Variants in ADAM10 observed in about 807,000 individuals in gnomAD.
The protein encoded by ADAM10 is disintegrin and metalloproteinase domain-containing protein 10.
Under a neutral mutation model 90.1 loss-of-function variants are expected in ADAM10, and 17 were observed. The ratio of observed to expected loss-of-function variants is 0.19; its 90% CI spans 0.13 to 0.28. The LOEUF is 0.28. ADAM10 is among the 10% of genes least tolerant of loss of function. The probability of loss-of-function intolerance (pLI) is 1.00; values close to 1 mark genes in which losing one functional copy is unlikely to be tolerated. For missense variants in ADAM10, 610 were observed against 914.3 expected, an observed-to-expected ratio of 0.67 and a Z score of 4.29; for synonymous variants, 310 against 298.6, an observed-to-expected ratio of 1.04 and a Z score of -0.40.
chr15:58,607,326 A>G (rs769408574), intron 14 of ADAM10, among the ~76,000 whole-genome samples: 3 of 152,250 alleles, frequency 2.0e-5, no homozygotes, highest in Non-Finnish European at 4.4e-5. Flanking sequence ...CTATTAATCA[A>G]TATTTTTCCA....
intron 2 of ADAM10, among the ~76,000 whole-genome samples, chr15:58,709,402 A>T (rs1421969974): frequency 6.6e-6 from 1 of 152,226 alleles, no homozygotes; most frequent in South Asian, 2.1e-4. Flanking sequence ...AATTTCTGAC[A>T]TTCACTGTCT....
intron 14 of ADAM10, among the ~76,000 whole-genome samples, chr15:58,607,575 T>G (rs1182828028): frequency 6.6e-6 from 1 of 152,182 alleles, no homozygotes; most frequent in African/African-American, 2.4e-5. Context: ...AATCTTTCAT[T>G]CATAAAGAAT....
intron 1 of ADAM10, among the ~76,000 whole-genome samples, chr15:58,744,597 A>G (rs183558873): frequency 2.0e-5 from 3 of 152,368 alleles, no homozygotes; most frequent in East Asian, 3.9e-4. Context: ...AGAACCCAGA[A>G]TAACAACTGT....
intron 2 of ADAM10, among the ~76,000 whole-genome samples, chr15:58,683,413 T>C (rs1480618775): frequency 6.6e-6 from 1 of 152,192 alleles, no homozygotes; most frequent in East Asian, 1.9e-4. Flanking sequence ...AATAAGTTGG[T>C]ACAATCTCTA....
chr15:58,653,077 A>T (rs1296633061), intron 5 of ADAM10, among the ~76,000 whole-genome samples: 3 of 152,120 alleles, frequency 2.0e-5, no homozygotes, highest in African/African-American at 7.2e-5. Flanking sequence ...GTATCCTGCA[A>T]CTTTACTGTA....
At chr15:58,693,098 A>C (rs920554635) in intron 2 of ADAM10, 2 of 744,332 alleles carry the variant, frequency 2.7e-6, no homozygotes, top group Admixed American at 1.7e-5. Context: ...TCCTTGTTGG[A>C]ATAGAAGGTA....
intron 2 of ADAM10, among the ~76,000 whole-genome samples, chr15:58,693,838 T>G (rs1312893121): frequency 6.7e-6 from 1 of 148,488 alleles, no homozygotes; most frequent in East Asian, 1.9e-4. Context: ...GAACTTATAT[T>G]CGGAATATCT....
intron 2 of ADAM10, among the ~76,000 whole-genome samples, chr15:58,693,889 G>C (rs541327883): frequency 6.6e-6 from 1 of 151,752 alleles, no homozygotes; most frequent in Non-Finnish European, 1.5e-5. Flanking sequence ...GACAACCATT[G>C]AAAGACAAAC....
chr15:58,725,215 C>T (rs1898990682), intron 1 of ADAM10, among the ~76,000 whole-genome samples: 1 of 151,142 alleles, frequency 6.6e-6, no homozygotes, highest in South Asian at 2.1e-4. Flanking sequence ...ATAAATAAAT[C>T]GTATTTATTA....
intron 5 of ADAM10, among the ~76,000 whole-genome samples, chr15:58,657,516 A>T (rs897037362): frequency 4.0e-5 from 6 of 151,876 alleles, no homozygotes; most frequent in Non-Finnish European, 5.9e-5. Context: ...GCATTTTTCA[A>T]CTCTAGAATT....
intron 2 of ADAM10, among the ~76,000 whole-genome samples, chr15:58,693,920 C>T (rs748638537): frequency 6.6e-6 from 1 of 152,104 alleles, no homozygotes; most frequent in South Asian, 2.1e-4. Flanking sequence ...AAAAATACTT[C>T]ACAAAGAAGA....
intron 14 of ADAM10, among the ~76,000 whole-genome samples, chr15:58,605,005 G>C (rs1396170122): frequency 6.6e-6 from 1 of 152,144 alleles, no homozygotes; most frequent in Non-Finnish European, 1.5e-5. Flanking sequence ...CTCCCAAAGT[G>C]CTAAGATTAA....
intron 10 of ADAM10, among the ~76,000 whole-genome samples, chr15:58,625,379 A>G (rs1213226334): frequency 3.9e-5 from 6 of 152,258 alleles, no homozygotes; most frequent in Non-Finnish European, 8.8e-5. Context: ...AAGATGATTT[A>G]TAAATGGCCA....
chr15:58,695,691 G>C (rs1162097895), intron 2 of ADAM10, among the ~76,000 whole-genome samples: 1 of 151,608 alleles, frequency 6.6e-6, no homozygotes, highest in Non-Finnish European at 1.5e-5. Context: ...AAAAAAAAAA[G>C]AACGAACATT....
Position 58,749,490 on chromosome 15 carries a change from C to G in ADAM10, c.45G>C (p.Ala15=). Residue 15 remains alanine (A), a synonymous_variant, in exon 1 of 16, where the codon GCG becomes GCC. Transcript: ENST00000260408. The part of the protein sequence containing the change: ...RVLILLLSWA[A]GMGGQYGNPL... ...GCAGTCGTGCCTCACCTCCCATCCC[C>G]GCCGCCCAGGAGAGGAGCAGAATTA... 5.8e-6 allele frequency: 9 copies of G among 1,552,156 alleles called. No individual in the cohort carries two copies. Among genetic ancestry groups the G allele is most frequent in the Non-Finnish European group, 7.8e-6 (9 of 1,147,864 alleles).
At chr15:58,747,798 G>GT (rs1296572331) in intron 1 of ADAM10, 17 of 152,088 alleles carry the variant, frequency 1.1e-4, no homozygotes, top group African/African-American at 3.9e-4. Flanking sequence ...TTATTCAATT[G>GT]TTTTTTCTTC....
At chr15:58,697,113 G>C (rs545134508) in intron 2 of ADAM10, among the ~76,000 whole-genome samples, 1 of 152,150 alleles carries the variant, frequency 6.6e-6, no homozygotes, top group Non-Finnish European at 1.5e-5. Context: ...AAGTTAGACT[G>C]TAAGACTCCC....
intron 4 of ADAM10, 40 bp downstream of exon 4, chr15:58,679,084 C>A (rs1301470807): frequency 2.5e-6 from 4 of 1,573,268 alleles, no homozygotes; most frequent in South Asian, 2.2e-5. Flanking sequence ...CTATCATATG[C>A]CTTTTGAAAA....
At chr15:58,723,838 C>T (rs1282084830) in intron 1 of ADAM10, among the ~76,000 whole-genome samples, 1 of 151,688 alleles carries the variant, frequency 6.6e-6, no homozygotes, top group Admixed American at 6.6e-5. Flanking sequence ...ATGAAAGAAA[C>T]AATAAAAGGA....
Sources: allele counts gnomAD v4.1 joint callset (sites outside exome capture counted in the v4.1 genomes callset), GRCh38; gene constraint gnomAD v4.1.1; transcripts MANE v1.5; gene names NCBI Gene and HGNC (gene_info 2026-07-23, HGNC 2026-07-21).